The following SDCCAG8 variants were observed in gnomAD, a reference collection of about 807,000 sequenced individuals.
SDCCAG8 encodes the protein SHH signaling and ciliogenesis regulator SDCCAG8.
SDCCAG8 carries 74 observed loss-of-function variants against 101.8 expected under a neutral mutation model. That is an observed-to-expected ratio of 0.73 (90% CI 0.60 to 0.88). SDCCAG8 has a LOEUF of 0.88. Among genes scored for constraint, SDCCAG8 ranks in the 40% least tolerant of loss-of-function variants. SDCCAG8 has a pLI of 0.00. For synonymous variants in SDCCAG8, 281 were observed against 292.9 expected, an observed-to-expected ratio of 0.96 and a Z score of 0.41; for missense variants, 787 against 822.6, an observed-to-expected ratio of 0.96 and a Z score of 0.53.
At chr1:243,448,528 GTC>G (rs2083105726) in intron 16 of SDCCAG8, among the ~76,000 whole-genome samples, 1 of 152,144 alleles carries the variant, frequency 6.6e-6, no homozygotes, top group Non-Finnish European at 1.5e-5. Flanking sequence ...CTTAACCCTT[GTC>G]TCTCAGAATT....
chr1:243,376,214 G>T (rs936434405), intron 12 of SDCCAG8, among the ~76,000 whole-genome samples: 3 of 152,124 alleles, frequency 2.0e-5, no homozygotes, highest in Non-Finnish European at 4.4e-5. Context: ...AATGATATTT[G>T]CTGTCTTTTA....
At chr1:243,398,621 C>G (rs1398818462) in intron 13 of SDCCAG8, among the ~76,000 whole-genome samples, 1 of 151,992 alleles carries the variant, frequency 6.6e-6, no homozygotes, top group Non-Finnish European at 1.5e-5. Context: ...TCATAATTAC[C>G]AAATTTATTT....
chr1:243,321,155 A>G (rs1054116282), intron 9 of SDCCAG8, among the ~76,000 whole-genome samples: 11 of 151,560 alleles, frequency 7.3e-5, no homozygotes, highest in Non-Finnish European at 1.2e-4. Context: ...TACATTGCCA[A>G]ATGTCCTCTG....
In SDCCAG8 at chr1:243,305,982, A is replaced by C. The variant is rs1239683574; in HGVS notation, c.740+1205A>C. 5 of 151,184 alleles carry C rather than the reference A, an allele frequency of 3.3e-5. No individual in the cohort carries two copies. The East Asian group carries it at 1.0e-3, about 30-fold the overall frequency. The allele number at this position is 151,184 out of a possible 1,614,324, so 9.4% of individuals were successfully genotyped here. ...CACACATCTGTAGTCCCAGCTACTCAGGAGGCTGAGGCAGAATCACTTGAA... is the reference window on the plus strand; with the variant it reads ...CACACATCTGTAGTCCCAGCTACTCCGGAGGCTGAGGCAGAATCACTTGAA... On this transcript the variant is annotated intron_variant, in intron 7 of 17. Coordinates refer to ENST00000366541, the MANE Select transcript of SDCCAG8 (RefSeq NM_006642.5).
At chr1:243,488,502 A>G in intron 16 of SDCCAG8, 1 of 194,596 alleles carries the variant, frequency 5.1e-6, no homozygotes, top group South Asian at 9.8e-5. Flanking sequence ...TCTGGAGAGG[A>G]GCGCCCATCA....
chr1:243,393,793 T>G (rs1473976945), intron 13 of SDCCAG8, among the ~76,000 whole-genome samples: 1 of 152,214 alleles, frequency 6.6e-6, no homozygotes, highest in African/African-American at 2.4e-5. Context: ...ACCACATATG[T>G]CTTTCACAAA....
chr1:243,283,096 C>T (rs2069213691), intron 4 of SDCCAG8, among the ~76,000 whole-genome samples: 1 of 152,172 alleles, frequency 6.6e-6, no homozygotes, highest in Admixed American at 6.5e-5. Context: ...GATCCGCCTG[C>T]CTCGGCCTTC....
intron 16 of SDCCAG8, among the ~76,000 whole-genome samples, chr1:243,450,571 C>A (rs2997489): frequency 0.041 from 6,255 of 152,238 alleles, 465 homozygotes; most frequent in African/African-American, 0.14. Flanking sequence ...TTGCTAGCCC[C>A]TGTTTTAGTA....
Position 243,498,369 on chromosome 1 carries a change from A to C in SDCCAG8, c.2113-1387A>C, listed in dbSNP as rs542689958. ...GGGCCACTCAGACAGGGCCTGGAGA[A>C]CAAAGCATCCCGTGGGCCCAGGAAA... On this transcript the variant is annotated intron_variant, in intron 17 of 17. Coordinates refer to ENST00000366541, the MANE Select transcript of SDCCAG8 (RefSeq NM_006642.5). Among the ~76,000 whole-genome samples, 32 of 152,324 alleles carry C rather than the reference A, an allele frequency of 2.1e-4. No individual in the cohort carries two copies. In the South Asian group the frequency reaches 6.6e-3, roughly 32 times the overall value.
chr1:243,498,221 C>A (rs937388201), intron 17 of SDCCAG8, among the ~76,000 whole-genome samples: 1 of 149,910 alleles, frequency 6.7e-6, no homozygotes, highest in Non-Finnish European at 1.5e-5. Flanking sequence ...GCAAACCCTG[C>A]GTTTGACAAT....
At chr1:243,352,569 A>G (rs186321069) in intron 12 of SDCCAG8, among the ~76,000 whole-genome samples, 1 of 152,350 alleles carries the variant, frequency 6.6e-6, no homozygotes, top group East Asian at 1.9e-4. Flanking sequence ...GCTGAGAGAC[A>G]TTAGACATAA....
intron 1 of SDCCAG8, among the ~76,000 whole-genome samples, chr1:243,258,102 A>G (rs10803130): frequency 0.44 from 67,182 of 151,986 alleles, 17,443 homozygotes; most frequent in East Asian, 0.74. Flanking sequence ...TTAGTTTGAA[A>G]TAAAATTTAA....
At chr1:243,457,069 C>T (rs912797314) in intron 16 of SDCCAG8, among the ~76,000 whole-genome samples, 5 of 152,162 alleles carry the variant, frequency 3.3e-5, no homozygotes, top group Non-Finnish European at 5.9e-5. Context: ...GTATTTATCA[C>T]GCATGCTAGA....
At position 243,256,113 on chromosome 1, in the gene SDCCAG8, G is replaced by C; in HGVS notation, c.-61G>C. The C allele has an allele frequency of 6.6e-7, 1 of 1,520,912 alleles. No homozygotes were observed. The highest frequency in any genetic ancestry group is 9.1e-7 in the Non-Finnish European group (1 of 1,094,988). The allele number at this position is 1,520,912 out of a possible 1,614,324, so 94.2% of individuals were successfully genotyped here. A position where few individuals can be genotyped will look rare whatever the true frequency, so the allele number is the denominator to read the frequency against. On this transcript the variant is annotated 5_prime_UTR_variant, in exon 1 of 18. Coordinates refer to ENST00000366541, the MANE Select transcript of SDCCAG8 (RefSeq NM_006642.5). ...CCCCGGCCACAGGCCTGTTGTTCTC[G>C]GAAGGGAGAAAGCTGGACATTTCCC...
At chr1:243,259,088 G>A (rs868246664) in intron 1 of SDCCAG8, among the ~76,000 whole-genome samples, 1 of 152,104 alleles carries the variant, frequency 6.6e-6, no homozygotes, top group Non-Finnish European at 1.5e-5. Flanking sequence ...TTCCGTGATC[G>A]TACTTCCATT....
chr1:243,381,475 G>A (rs2077951110), intron 13 of SDCCAG8, among the ~76,000 whole-genome samples: 1 of 151,994 alleles, frequency 6.6e-6, no homozygotes, highest in South Asian at 2.1e-4. Flanking sequence ...TATAGACCCA[G>A]CTATTTAGGA....
intron 9 of SDCCAG8, among the ~76,000 whole-genome samples, chr1:243,320,402 G>A (rs564600016): frequency 6.6e-6 from 1 of 152,262 alleles, no homozygotes; most frequent in South Asian, 2.1e-4. Flanking sequence ...AATTTTCACT[G>A]CCTTCAAGAC....
At chr1:243,450,316 T>C (rs2083256785) in intron 16 of SDCCAG8, among the ~76,000 whole-genome samples, 1 of 152,242 alleles carries the variant, frequency 6.6e-6, no homozygotes, top group Admixed American at 6.5e-5. Flanking sequence ...TGATTCCATA[T>C]GTGTCCTCAG....
chr1:243,428,225 A>G (rs1371651472), intron 16 of SDCCAG8, among the ~76,000 whole-genome samples: 2 of 152,196 alleles, frequency 1.3e-5, no homozygotes, highest in Non-Finnish European at 2.9e-5. Context: ...AGAAAGACAA[A>G]CGTGCCGAAT....
Sources: allele counts gnomAD v4.1 joint callset (sites outside exome capture counted in the v4.1 genomes callset), GRCh38; gene constraint gnomAD v4.1.1; transcripts MANE v1.5; gene names NCBI Gene and HGNC (gene_info 2026-07-23, HGNC 2026-07-21).